Variants in CMSS1 observed in about 807,000 individuals in gnomAD.
CMSS1 encodes the protein cms1 ribosomal small subunit homolog, also known as protein CMSS1.
In CMSS1, 33 loss-of-function variants were observed where a neutral mutation model predicts 43.5. The observed-to-expected ratio is 0.76, with a 90% CI of 0.57 to 1.01. CMSS1 has a LOEUF of 1.01. CMSS1 is among the 50% of genes least tolerant of loss of function. The pLI, the probability that CMSS1 is intolerant of heterozygous loss-of-function variation, is 0.00. For missense variants in CMSS1, 313 were observed against 326.4 expected (o/e 0.96, Z 0.32); for synonymous variants, 115 against 117.2 (o/e 0.98, Z 0.12).
intron 1 of CMSS1, among the ~76,000 whole-genome samples, chr3:100,102,600 C>T (rs1480166100): frequency 6.6e-6 from 1 of 152,120 alleles, no homozygotes; most frequent in Non-Finnish European, 1.5e-5. Context: ...ACTTCCATTA[C>T]TAAACTATTA....
intron 1 of CMSS1, among the ~76,000 whole-genome samples, chr3:100,110,420 C>T (rs573603785): frequency 2.4e-4 from 37 of 152,156 alleles, no homozygotes; most frequent in African/African-American, 8.7e-4. Flanking sequence ...TGCTATCCTC[C>T]CCTGCATTCC....
intron 2 of CMSS1, among the ~76,000 whole-genome samples, chr3:100,156,181 G>T (rs1226769359): frequency 6.6e-6 from 1 of 151,694 alleles, no homozygotes; most frequent in Non-Finnish European, 1.5e-5. Context: ...CTGGAGTGCA[G>T]TGGTACAATC....
intron 1 of CMSS1, among the ~76,000 whole-genome samples, chr3:100,050,974 A>C (rs1034187496): frequency 5.3e-5 from 8 of 152,192 alleles, no homozygotes; most frequent in Admixed American, 3.3e-4. Context: ...CCTCTACCAA[A>C]CTATTTTCAC....
At chr3:99,979,512 G>A (rs1709060330) in intron 1 of CMSS1, among the ~76,000 whole-genome samples, 1 of 152,126 alleles carries the variant, frequency 6.6e-6, no homozygotes, top group African/African-American at 2.4e-5. Context: ...GGTAGAAATG[G>A]TTTATTTTTC....
intron 1 of CMSS1, among the ~76,000 whole-genome samples, chr3:100,137,601 C>A (rs1377673798): frequency 1.4e-5 from 2 of 147,712 alleles, no homozygotes; most frequent in African/African-American, 5.0e-5. Context: ...CTCGCTTTGT[C>A]GCCCAGGCTG....
intron 1 of CMSS1, among the ~76,000 whole-genome samples, chr3:100,115,203 C>G (rs1044613200): frequency 9.2e-5 from 14 of 152,190 alleles, no homozygotes; most frequent in African/African-American, 3.4e-4. Context: ...TATCAGATCA[C>G]TTACCAGACA....
chr3:100,095,787 A>C (rs1278221037), intron 1 of CMSS1, among the ~76,000 whole-genome samples: 1 of 152,184 alleles, frequency 6.6e-6, no homozygotes, highest in Non-Finnish European at 1.5e-5. Flanking sequence ...ACATCAACTT[A>C]AAAAGCTTCT....
At chr3:99,903,064 T>C (rs772796925) in intron 1 of CMSS1, among the ~76,000 whole-genome samples, 3 of 152,164 alleles carry the variant, frequency 2.0e-5, no homozygotes, top group Non-Finnish European at 2.9e-5. Flanking sequence ...ATTTATACTT[T>C]TGTGTCCCTA....
At chr3:99,865,888 C>A (rs1944488229) in intron 1 of CMSS1, among the ~76,000 whole-genome samples, 1 of 151,850 alleles carries the variant, frequency 6.6e-6, no homozygotes, top group African/African-American at 2.4e-5. Context: ...ATTAAAGAAT[C>A]CAGGAATGGT....
chr3:99,828,626 T>C (rs1942582692), intron 1 of CMSS1, among the ~76,000 whole-genome samples: 2 of 151,228 alleles, frequency 1.3e-5, no homozygotes, highest in African/African-American at 4.9e-5. Context: ...TTTTTTTTTT[T>C]TTTTCTTTTC....
intron 1 of CMSS1, among the ~76,000 whole-genome samples, chr3:100,097,325 A>T (rs565246338): frequency 6.6e-6 from 1 of 152,310 alleles, no homozygotes; most frequent in African/African-American, 2.4e-5. Flanking sequence ...TGTATTAGAT[A>T]TTGTAAGTAA....
intron 1 of CMSS1, chr3:100,051,245 A>C (rs1282606492): frequency 3.9e-5 from 6 of 152,070 alleles, no homozygotes; most frequent in Admixed American, 2.0e-4. Flanking sequence ...TTTAAAACTC[A>C]TTTGGACACC....
intron 1 of CMSS1, among the ~76,000 whole-genome samples, chr3:100,094,374 C>G (rs35885423): frequency 0.18 from 27,618 of 152,010 alleles, 2,896 homozygotes; most frequent in South Asian, 0.25. Flanking sequence ...CTCCCAATAT[C>G]AAGATATTAT....
intron 1 of CMSS1, chr3:99,849,284 T>C: frequency 6.2e-7 from 1 of 1,614,198 alleles, no homozygotes; most frequent in Non-Finnish European, 8.5e-7. Flanking sequence ...TGAACTTCTT[T>C]AGAAAATACT....
intron 1 of CMSS1, among the ~76,000 whole-genome samples, chr3:100,010,778 A>ATTTTTTTTTTTTTTTT (rs11371196): frequency 3.2e-5 from 3 of 93,678 alleles, no homozygotes; most frequent in African/African-American, 8.8e-5. Context: ...CCACGCCCGG[A>ATTTTTTTTTTTTTTTT]TTTTTTTTTT....
intron 1 of CMSS1, among the ~76,000 whole-genome samples, chr3:99,907,076 T>G (rs1039307793): frequency 3.3e-5 from 5 of 152,200 alleles, no homozygotes; most frequent in African/African-American, 1.2e-4. Context: ...TTTTTGGGAC[T>G]CTTACTGTTA....
At chr3:99,952,847 C>A (rs914401098) in intron 1 of CMSS1, among the ~76,000 whole-genome samples, 1 of 152,074 alleles carries the variant, frequency 6.6e-6, no homozygotes. Flanking sequence ...TAATTTCAAT[C>A]TTTATATGTT....
rs182428195 is a variant in CMSS1 at position 99,827,920 on chromosome 3, A to C, written c.64+9877A>C. On this transcript the variant is annotated intron_variant, in intron 1 of 9. Transcript: ENST00000421999. Reference sequence around the variant, plus strand: ...TGCCTGGCTTCTACCTAAATTTTTTAGTACTTTGTATACTATCTTGTCCCT... The same window carrying C: ...TGCCTGGCTTCTACCTAAATTTTTTCGTACTTTGTATACTATCTTGTCCCT... 3.1e-3 allele frequency among the ~76,000 whole-genome samples: 473 copies of C among 152,248 alleles called. 4 individuals carry two copies. Among genetic ancestry groups the C allele is most frequent in the African/African-American group, 0.011 (447 of 41,566 alleles).
intron 1 of CMSS1, among the ~76,000 whole-genome samples, chr3:100,110,454 C>A (rs1405289083): frequency 6.6e-6 from 1 of 152,072 alleles, no homozygotes; most frequent in Non-Finnish European, 1.5e-5. Flanking sequence ...AGTGATTGTC[C>A]CTGGATCCAT....
Sources: gnomAD v4.1 joint callset for allele counts (sites outside exome capture counted in the v4.1 genomes callset) on GRCh38, gnomAD v4.1.1 for gene constraint, MANE v1.5 for transcripts, NCBI Gene and HGNC (gene_info 2026-07-23, HGNC 2026-07-21) for gene names.